TBC1D8B: variants seen among roughly 807,000 people sequenced by gnomAD.
The protein encoded by TBC1D8B is TBC1 domain family member 8B, also known as RP11-321G1.1.
Under a neutral mutation model 82.9 loss-of-function variants are expected in TBC1D8B, and 75 were observed. The observed-to-expected ratio is 0.90, with a 90% CI of 0.75 to 1.10. The LOEUF is 1.10. Ranked by LOEUF, TBC1D8B falls within the 50% of genes least tolerant of loss-of-function variation. The probability of loss-of-function intolerance (pLI) is 0.00; values close to 1 mark genes in which losing one functional copy is unlikely to be tolerated. For synonymous variants in TBC1D8B, 276 were observed against 276.8 expected, an observed-to-expected ratio of 1.00 and a Z score of 0.03; for missense variants, 794 against 796.9, an observed-to-expected ratio of 1.00 and a Z score of 0.04.
intron 1 of TBC1D8B, among the ~76,000 whole-genome samples, chrX:106,808,087 TAAAC>T (rs1483750338): frequency 1.8e-5 from 2 of 110,660 alleles, no homozygotes; most frequent in Admixed American, 9.7e-5. Flanking sequence ...TAATAATAAA[TAAAC>T]CAACTACAAG....
At chrX:106,837,082 T>G (rs1261212560) in intron 7 of TBC1D8B, among the ~76,000 whole-genome samples, 1 of 112,194 alleles carries the variant, frequency 8.9e-6, no homozygotes, top group Non-Finnish European at 1.9e-5. Context: ...GAGCTGAAAC[T>G]ATGAAACTCT....
chrX:106,842,896 A>G (rs990197271), intron 10 of TBC1D8B, among the ~76,000 whole-genome samples: 1 of 111,143 alleles, frequency 9.0e-6, no homozygotes, highest in Non-Finnish European at 1.9e-5. Flanking sequence ...TCTACTTTCT[A>G]GCTCTATGAA....
intron 14 of TBC1D8B, among the ~76,000 whole-genome samples, chrX:106,856,053 A>C (rs757463729): frequency 1.6e-4 from 18 of 111,967 alleles, no homozygotes; most frequent in Non-Finnish European, 2.6e-4. Flanking sequence ...AAACAAAACA[A>C]AACAAAATCT....
intron 17 of TBC1D8B, among the ~76,000 whole-genome samples, chrX:106,868,169 C>A (rs1932825874): frequency 9.1e-6 from 1 of 109,775 alleles, no homozygotes; most frequent in Non-Finnish European, 1.9e-5. Flanking sequence ...TCAAAATGAT[C>A]AACTACTTCT....
chrX:106,850,535 TAC>T (rs1215112628), intron 12 of TBC1D8B, among the ~76,000 whole-genome samples: 1 of 112,102 alleles, frequency 8.9e-6, no homozygotes, highest in Non-Finnish European at 1.9e-5. Flanking sequence ...TGTACACATT[TAC>T]ACTAATATTG....
rs774455684 is a variant in TBC1D8B at position 106,822,190 on chromosome X, T to C, written c.574T>C (p.Leu192=). 1 of 1,201,442 alleles carries C rather than the reference T, an allele frequency of 8.3e-7. No homozygotes were observed. The highest frequency in any genetic ancestry group is 2.3e-5 in the Admixed American group (1 of 44,184). Reference sequence around the variant, plus strand: ...CTTTCTGAGCTTCTATTCTTTTTTGTTGGGATCAGAAAGTAAGTGGTTTCT... The same window carrying C: ...CTTTCTGAGCTTCTATTCTTTTTTGCTGGGATCAGAAAGTAAGTGGTTTCT... The part of the protein sequence containing the change: ...TNFLSFYSFL[L]GSEIKLIISW... The change falls in exon 4 of 21, where the codon TTG becomes CTG. Residue 192 remains leucine, a synonymous_variant. Transcript: ENST00000357242.
chrX:106,868,500 A>T, intron 18 of TBC1D8B, 24 bp downstream of exon 18: 1 of 940,769 alleles, frequency 1.1e-6, no homozygotes, highest in Non-Finnish European at 1.4e-6. Flanking sequence ...TAAAATGTTA[A>T]CTGTTTTGAT....
intron 1 of TBC1D8B, among the ~76,000 whole-genome samples, chrX:106,808,395 G>A (rs1931257470): frequency 9.0e-6 from 1 of 111,425 alleles, no homozygotes; most frequent in Non-Finnish European, 1.9e-5. Context: ...GCCATTTTCT[G>A]GGCCTGAAGA....
At chrX:106,837,062 C>A (rs1200125798) in intron 7 of TBC1D8B, among the ~76,000 whole-genome samples, 1 of 111,577 alleles carries the variant, frequency 9.0e-6, no homozygotes, top group African/African-American at 3.3e-5. Flanking sequence ...GATCAAAGAC[C>A]AAAATGTAAG....
intron 14 of TBC1D8B, among the ~76,000 whole-genome samples, chrX:106,859,160 A>G (rs1033396924): frequency 2.2e-4 from 24 of 111,343 alleles, no homozygotes; most frequent in African/African-American, 7.5e-4. Flanking sequence ...AGCTTTGTTC[A>G]TTTTGCTTAG....
Position 106,854,132 on chromosome X carries a change from G to A in TBC1D8B, c.2254-66G>A. The A allele has an allele frequency of 2.5e-6, 2 of 789,686 alleles. 1 individual carries two copies. The highest frequency in any genetic ancestry group is 7.1e-5 in the South Asian group (2 of 28,075). 65.1% of individuals were successfully genotyped at this position (789,686 alleles called of 1,213,427 possible). On this transcript the variant is annotated intron_variant, in intron 13 of 20. Coordinates refer to ENST00000357242, the MANE Select transcript of TBC1D8B (RefSeq NM_017752.3). ...TCCAAGAATTCAGTCTGATAAAACT[G>A]AATTGTAAAAGAAAAAGTGGATGTT...
At chrX:106,871,998 A>G (rs1354817898) in intron 20 of TBC1D8B, among the ~76,000 whole-genome samples, 5 of 110,888 alleles carry the variant, frequency 4.5e-5, no homozygotes, top group Non-Finnish European at 7.6e-5. Flanking sequence ...GTCAGCCTCC[A>G]TGCATTCAGC....
rs193147124 is a variant in TBC1D8B, at chrX:106,823,713, G to T, written c.827+247G>T. On this transcript the variant is annotated intron_variant, in intron 5 of 20. Transcript: ENST00000357242. ...TTTGAAAATTATTTCTTGAGATTCA[G>T]ATAGGACTTGCCCTGGAATGCTTTT... 9.6e-4 allele frequency among the ~76,000 whole-genome samples: 107 copies of T among 111,468 alleles called. No individual in the cohort carries two copies. In the South Asian group the frequency reaches 0.021, roughly 22 times the overall value.
Position 106,865,578 on chromosome X carries a change from A to G in TBC1D8B, c.2372A>G (p.Asp791Gly). The G allele has an allele frequency of 1.7e-6, 2 of 1,201,026 alleles. No homozygotes were observed. Among genetic ancestry groups the G allele is most frequent in the Non-Finnish European group, 2.2e-6 (2 of 890,075 alleles). Residue 791 changes from aspartate (D) to glycine (G), a missense_variant, in exon 15 of 21, where the codon GAT becomes GGT. Transcript: ENST00000357242. ...KQNVLRVVSQDVKLSLQELDE... is the reference protein window; with the variant it reads ...KQNVLRVVSQGVKLSLQELDE... ...TTAAAGTTGCGTGTTGTATCACAAG[A>G]TGTGAAATTGAGCCTTCAAGAATTG... is the stretch of plus-strand genomic sequence containing the variant.
At chrX:106,859,458 C>CT (rs1462259733) in intron 14 of TBC1D8B, among the ~76,000 whole-genome samples, 1 of 111,341 alleles carries the variant, frequency 9.0e-6, no homozygotes, top group East Asian at 2.8e-4. Flanking sequence ...GTATTTTACT[C>CT]TTTTTTTGGC....
chrX:106,810,786 C>G (rs2147720220), intron 1 of TBC1D8B, among the ~76,000 whole-genome samples: 1 of 111,620 alleles, frequency 9.0e-6, no homozygotes, highest in South Asian at 3.8e-4. Context: ...CCCCTCCCTC[C>G]CTGGAACATC....
intron 7 of TBC1D8B, among the ~76,000 whole-genome samples, chrX:106,837,266 A>G (rs759775157): frequency 6.3e-5 from 7 of 111,992 alleles, no homozygotes; most frequent in Non-Finnish European, 1.3e-4. Flanking sequence ...AACCCACAGA[A>G]TGGAGGAAAT....
At chrX:106,865,047 T>C (rs1158991529) in intron 14 of TBC1D8B, among the ~76,000 whole-genome samples, 20 of 112,079 alleles carry the variant, frequency 1.8e-4, no homozygotes, top group Non-Finnish European at 1.3e-4. Flanking sequence ...TTAGATATCA[T>C]AATGATTGTA....
intron 4 of TBC1D8B, 134 bp from the exon 5 acceptor site, chrX:106,823,092 A>G: frequency 1.5e-6 from 1 of 654,121 alleles, no homozygotes; most frequent in Non-Finnish European, 2.2e-6. Context: ...ATTTTTAACT[A>G]ATCTTGAACT....
Sources: allele counts gnomAD v4.1 joint callset (sites outside exome capture counted in the v4.1 genomes callset), GRCh38; gene constraint gnomAD v4.1.1; transcripts MANE v1.5; gene names NCBI Gene and HGNC (gene_info 2026-07-23, HGNC 2026-07-21).